TMBIM1: variants seen among roughly 807,000 people sequenced by gnomAD.
The protein encoded by TMBIM1 is protein lifeguard 3.
Under a neutral mutation model 45.1 loss-of-function variants are expected in TMBIM1, and 34 were observed. The observed-to-expected ratio is 0.75, with a 90% CI of 0.57 to 1.00. The LOEUF (loss-of-function observed/expected upper bound fraction) is 1.00. Ranked by LOEUF, TMBIM1 falls within the 50% of genes least tolerant of loss-of-function variation. TMBIM1 has a pLI of 0.00. For missense variants in TMBIM1, 374 were observed against 402.4 expected (o/e 0.93, Z 0.60); for synonymous variants, 157 against 153.5 (o/e 1.02, Z -0.17).
At chr2:218,275,711 C>CACTGTGTGGCGCATAG in intron 11 of TMBIM1, 90 bp from the exon 12 acceptor site, 1 of 1,477,942 alleles carries the variant, frequency 6.8e-7, no homozygotes, top group Non-Finnish European at 9.2e-7. Flanking sequence ...GGGGCCTATG[C>CACTGTGTGGCGCATAG]GCCACACAGT....
At position 218,280,174 on chromosome 2, in the gene TMBIM1, C is replaced by A. The variant is rs756070471; in HGVS notation, c.203-48G>T. On this transcript the variant is annotated intron_variant, in intron 2 of 11. Transcript: ENST00000258412. ...TCAGCTGGGGACCTGAGACATGTGG[C>A]GTCAATCCCAAAGCCTCCCTGACAA... The A allele has an allele frequency of 2.2e-6, 3 of 1,372,484 alleles. No homozygotes were observed. The African/African-American group carries it at 4.3e-5, about 20-fold the overall frequency. 85.0% of individuals were successfully genotyped at this position (1,372,484 alleles called of 1,614,324 possible).
Position 218,279,252 on chromosome 2 carries a change from G to C in TMBIM1, c.368+37C>G, listed in dbSNP as rs372503378. The stretch of plus-strand genomic sequence containing the variant: ...CCCAGCAGGTGACCCTGAACCCCCA[G>C]GGCAGTAGGAGTGGGTGGCAAAGCC... On this transcript the variant is annotated intron_variant, in intron 4 of 11. Coordinates refer to ENST00000258412, the MANE Select transcript of TMBIM1 (RefSeq NM_022152.6). 1.2e-4 allele frequency: 184 copies of C among 1,563,712 alleles called. 1 individual carries two copies. The highest frequency in any genetic ancestry group is 1.7e-4 in the Middle Eastern group (1 of 5,820).
At position 218,279,278 on chromosome 2, in the gene TMBIM1, T is replaced by G; in HGVS notation, c.368+11A>C. The G allele has an allele frequency of 6.4e-7, 1 of 1,571,884 alleles. No individual in the cohort carries two copies. Among genetic ancestry groups the G allele is most frequent in the Non-Finnish European group, 8.6e-7 (1 of 1,159,014 alleles). On this transcript the variant is annotated intron_variant, in intron 4 of 11. Transcript: ENST00000258412. Reference sequence around the variant, plus strand: ...GGCAGTAGGAGTGGGTGGCAAAGCCTAGAGACTTACACAAAGGTGAAGATA... The same window carrying G: ...GGCAGTAGGAGTGGGTGGCAAAGCCGAGAGACTTACACAAAGGTGAAGATA...
chr2:218,283,459 G>A (rs979798686), intron 1 of TMBIM1, among the ~76,000 whole-genome samples: 2 of 152,162 alleles, frequency 1.3e-5, no homozygotes, highest in Non-Finnish European at 2.9e-5. Flanking sequence ...GAGGAGCTAA[G>A]GAAGCCCCTA....
chr2:218,276,056 A>G lies in TMBIM1; in HGVS notation c.759T>C (p.Tyr253=), dbSNP rs1343487949. 2.5e-6 allele frequency: 4 copies of G among 1,613,268 alleles called. No individual in the cohort carries two copies. In the South Asian group the frequency reaches 3.3e-5, roughly 13 times the overall value. ...TGAAACAAATGGCCCCCAGAGCAGCATAGAGCATGTGGAGCCAGTAAACCT... is the reference window on the plus strand; with the variant it reads ...TGAAACAAATGGCCCCCAGAGCAGCGTAGAGCATGTGGAGCCAGTAAACCT... ...FQYVYWLHML[Y]AALGAICFTL... The change falls in exon 11 of 12, where the codon TAT becomes TAC. Residue 253 remains tyrosine, a synonymous_variant. Transcript: ENST00000258412.
intron 1 of TMBIM1, among the ~76,000 whole-genome samples, chr2:218,289,625 G>GAAAAAAAAA (rs10675061): frequency 1.1e-5 from 1 of 87,764 alleles, no homozygotes. Context: ...CTGGGCGACA[G>GAAAAAAAAA]AAAAAAAAAA....
At chr2:218,283,508 G>T (rs1312301620) in intron 1 of TMBIM1, among the ~76,000 whole-genome samples, 1 of 152,164 alleles carries the variant, frequency 6.6e-6, no homozygotes, top group African/African-American at 2.4e-5. Context: ...AGCCCTGGCA[G>T]TCTGGGCTCG....
chr2:218,281,334 G>A (rs1691966714), intron 2 of TMBIM1, among the ~76,000 whole-genome samples: 1 of 150,758 alleles, frequency 6.6e-6, no homozygotes, highest in Admixed American at 6.6e-5. Context: ...ATGGGGTTTT[G>A]CCATGTTGGC....
At chr2:218,279,382 C>A in intron 3 of TMBIM1, 29 bp from the exon 4 acceptor site, 1 of 1,528,714 alleles carries the variant, frequency 6.5e-7, no homozygotes, top group South Asian at 1.3e-5. Flanking sequence ...GCATGGGTCA[C>A]CATCCGGCAC....
At chr2:218,283,164 G>A (rs776751771) in intron 1 of TMBIM1, among the ~76,000 whole-genome samples, 1 of 152,084 alleles carries the variant, frequency 6.6e-6, no homozygotes, top group Non-Finnish European at 1.5e-5. Context: ...CATAGCCAGG[G>A]GAGGGCCAAG....
Position 218,277,455 on chromosome 2 carries a change from T to C in TMBIM1, c.552-2A>G, listed in dbSNP as rs1204120477. 3.1e-6 allele frequency: 5 copies of C among 1,614,068 alleles called. No individual in the cohort carries two copies. The South Asian group carries it at 3.3e-5, about 11-fold the overall frequency. ...ATGACGGCTTTGGTTTGGTACATAC[T>C]GGGGAGAAGCAGGAGTTACAGACAA... is the stretch of plus-strand genomic sequence containing the variant. On this transcript the variant is annotated splice_acceptor_variant, in intron 8 of 11. Coordinates refer to ENST00000258412, the MANE Select transcript of TMBIM1 (RefSeq NM_022152.6). LOFTEE classifies it high-confidence loss of function.
At chr2:218,289,241 G>C (rs773635759) in intron 1 of TMBIM1, among the ~76,000 whole-genome samples, 4 of 69,142 alleles carry the variant, frequency 5.8e-5, no homozygotes, top group Non-Finnish European at 8.7e-5. Context: ...CTGGGTCCTG[G>C]GCTAGGAGGT....
intron 6 of TMBIM1, 110 bp from the exon 7 acceptor site, chr2:218,278,084 A>G: frequency 7.7e-7 from 1 of 1,298,894 alleles, no homozygotes; most frequent in Non-Finnish European, 1.1e-6. Context: ...TTAAGCCTTG[A>G]CTCCAAGGAG....
rs895493284 is a variant in TMBIM1 at position 218,282,194 on chromosome 2, A to C, written c.-40-13T>G. Reference sequence around the variant, plus strand: ...CAGCTGCTGGGACCTGAAATGGGAGAGGAGAAAAGCAATCGTGAATGCCCA... The same window carrying C: ...CAGCTGCTGGGACCTGAAATGGGAGCGGAGAAAAGCAATCGTGAATGCCCA... On this transcript the variant is annotated splice_polypyrimidine_tract_variant and intron_variant, in intron 1 of 11. Transcript: ENST00000258412. 8.7e-6 allele frequency: 12 copies of C among 1,380,068 alleles called. No individual in the cohort carries two copies. The highest frequency in any genetic ancestry group is 1.1e-5 in the Non-Finnish European group (12 of 1,045,270). 85.5% of individuals were successfully genotyped at this position (1,380,068 alleles called of 1,614,324 possible).
intron 3 of TMBIM1, chr2:218,279,632 A>C (rs1574636958): frequency 2.1e-6 from 1 of 486,134 alleles, no homozygotes; most frequent in Non-Finnish European, 3.7e-6. Flanking sequence ...TGGCCTCTGC[A>C]CTCCCAGCAG....
In TMBIM1 at chr2:218,280,016, C is replaced by T. The variant is rs1574638087; in HGVS notation, c.303+10G>A. On this transcript the variant is annotated intron_variant, in intron 3 of 11. Coordinates refer to ENST00000258412, the MANE Select transcript of TMBIM1 (RefSeq NM_022152.6). The stretch of plus-strand genomic sequence containing the variant: ...CCCCAGGTACACCCACCTCCCAGCG[C>T]GTATCTTACCTTTCGGATAAAAGTG... 2 of 1,612,670 alleles carry T rather than the reference C, an allele frequency of 1.2e-6. No homozygotes were observed. The highest frequency in any genetic ancestry group is 1.7e-6 in the Non-Finnish European group (2 of 1,178,688).
rs769665521 is a variant in TMBIM1 at position 218,280,081 on chromosome 2, C to T, written c.248G>A (p.Ser83Asn). Residue 83 changes from serine (S) to asparagine (N), a missense_variant, in exon 3 of 12, where the codon AGC becomes AAC. Physicochemically the swap from Ser to Asn is conservative, Grantham distance 46 (BLOSUM62 1). Transcript: ENST00000258412. ...GTCATCCCACTCTCCAGGCCCGAAG[C>T]TATCACTCACTGCTCTCTCCTCCCC... ...YDGEERAVSD[S>N]FGPGEWDDRK... 11 of 1,614,054 alleles carry T rather than the reference C, an allele frequency of 6.8e-6. No individual in the cohort carries two copies. Among genetic ancestry groups the T allele is most frequent in the Non-Finnish European group, 8.5e-7 (1 of 1,179,996 alleles).
At chr2:218,278,854 G>A (rs956851784) in intron 5 of TMBIM1, among the ~76,000 whole-genome samples, 184 bp downstream of exon 5, 6 of 152,196 alleles carry the variant, frequency 3.9e-5, no homozygotes, top group South Asian at 2.1e-4. Context: ...TCTTGCTCTC[G>A]AGTTCTAGGG....
chr2:218,277,259 G>A, intron 9 of TMBIM1, 107 bp downstream of exon 9: 4 of 1,193,154 alleles, frequency 3.4e-6, no homozygotes, highest in South Asian at 1.2e-5. Flanking sequence ...AGGTGCGGAT[G>A]AGGAGAAGGG....
Sources: gnomAD v4.1 joint callset for allele counts (sites outside exome capture counted in the v4.1 genomes callset) on GRCh38, gnomAD v4.1.1 for gene constraint, MANE v1.5 for transcripts, NCBI Gene and HGNC (gene_info 2026-07-23, HGNC 2026-07-21) for gene names.